The following GGN variants were observed in gnomAD, a reference collection of about 807,000 sequenced individuals.
GGN encodes gametogenetin.
Under a neutral mutation model 35.5 loss-of-function variants are expected in GGN, and 27 were observed. That is an observed-to-expected ratio of 0.76 (90% CI 0.56 to 1.05). The LOEUF is 1.05. Among genes scored for constraint, GGN ranks in the 50% least tolerant of loss-of-function variants. The pLI, the probability that GGN is intolerant of heterozygous loss-of-function variation, is 0.00. For missense variants in GGN, 1,006 were observed against 940.7 expected, an observed-to-expected ratio of 1.07 and a Z score of -0.91; for synonymous variants, 425 against 444.1, an observed-to-expected ratio of 0.96 and a Z score of 0.54.
Position 38,387,043 on chromosome 19 carries a change from C to T in GGN, c.219G>A (p.Leu73=). ...PREPQASPST[L]PLTLERPSPV... is the part of the protein sequence containing the mutation. ...GAGAGGGCCGTTCTAAGGTGAGGGG[C>T]AGGGTCGAGGGTGAGGCCTGGGGCT... The change falls in exon 3 of 4, where the codon CTG becomes CTA. Residue 73 remains leucine, a synonymous_variant. Transcript: ENST00000334928. This position sits in a 1 kb window ranked among gnomAD's most constrained non-coding sequence, Gnocchi z 5.3. The T allele has an allele frequency of 1.3e-6, 2 of 1,553,994 alleles. No individual in the cohort carries two copies. Among genetic ancestry groups the T allele is most frequent in the Non-Finnish European group, 1.7e-6 (2 of 1,148,672 alleles).
In GGN at chr19:38,386,856, G is replaced by T. The variant is rs1315863988; in HGVS notation, c.406C>A (p.Pro136Thr). 7 of 1,597,820 alleles carry T rather than the reference G, an allele frequency of 4.4e-6. No homozygotes were observed. In the South Asian group the frequency reaches 7.8e-5, roughly 18 times the overall value. The stretch of plus-strand genomic sequence containing the variant: ...GGCTTCAGCGGGCGGAGGCTCGGAG[G>T]GTCGCCCTGGCCGCGATGGCTCGCC... Reference protein sequence around the residue: ...LEASHRGQGDPPSLRPLKPPP... With the variant: ...LEASHRGQGDTPSLRPLKPPP... Residue 136 changes from proline to threonine, a missense_variant, in exon 3 of 4, where the codon CCT (proline) becomes ACT (threonine). Transcript: ENST00000334928.
rs964898981 is a variant in GGN, at chr19:38,384,335, T to C, written c.*77A>G. 6 of 1,078,304 alleles carry C rather than the reference T, an allele frequency of 5.6e-6. No homozygotes were observed. The highest frequency in any genetic ancestry group is 1.5e-5 in the African/African-American group (1 of 64,708). The allele number at this position is 1,078,304 out of a possible 1,614,324, so 66.8% of individuals were successfully genotyped here. A position where few individuals can be genotyped will look rare whatever the true frequency, so the allele number is the denominator to read the frequency against. On this transcript the variant is annotated 3_prime_UTR_variant, in exon 4 of 4. Transcript: ENST00000334928. ...CCCTACCCACTGCCTTGGCGAGTGA[T>C]TGACAGGCTGCTGGCATCTGGATTG...
chr19:38,384,429 C>T lies in GGN; in HGVS notation c.1942G>A (p.Ala648Thr), dbSNP rs765751420. ...VAKLEHYDLQ[A>T]THSN The stretch of plus-strand genomic sequence containing the variant: ...GACTACACTCAGTTGGAATGGGTGG[C>T]CTGCAAGTCGTAGTGCTCCAGCTTG... The change falls in exon 4 of 4, where the codon GCC becomes ACC. Residue 648 changes from alanine to threonine, a missense_variant. Physicochemically the swap from Ala to Thr is moderately conservative, Grantham distance 58. Transcript: ENST00000334928. 6.2e-7 allele frequency: 1 copy of T among 1,613,500 alleles called. No homozygotes were observed. Among genetic ancestry groups the T allele is most frequent in the Admixed American group, 1.7e-5 (1 of 59,992 alleles).
At position 38,386,158 on chromosome 19, in the gene GGN, C is replaced by T. The variant is rs148446446; in HGVS notation, c.1104G>A (p.Gly368=). The change falls in exon 3 of 4, where the codon GGG becomes GGA. Residue 368 remains glycine (G), a synonymous_variant. Transcript: ENST00000334928. ...DGPERHFRFN[G]AGGGIGAPRR... ...GCGGCGCCCCGATGCCTCCGCCAGCCCCGTTGAAGCGGAAGTGGCGTTCAG... is the reference window on the plus strand; with the variant it reads ...GCGGCGCCCCGATGCCTCCGCCAGCTCCGTTGAAGCGGAAGTGGCGTTCAG... 1,743 of 1,590,938 alleles carry T rather than the reference C, an allele frequency of 1.1e-3. 6 individuals are homozygous for T. Among genetic ancestry groups the T allele is most frequent in the Middle Eastern group, 8.8e-3 (53 of 6,042 alleles).
rs1970724918 is a variant in GGN at position 38,386,446 on chromosome 19, T to G, written c.816A>C (p.Gly272=). The G allele has an allele frequency of 6.2e-6, 10 of 1,612,806 alleles. No homozygotes were observed. The East Asian group carries it at 2.2e-4, about 36-fold the overall frequency. ...CTGAGGCAGCAAAGAGGCCGCCGCC[T>G]CCGCCGCCCCCCAGCGAAGCTTTGG... ...LAAKASLGGG[G]GGGLFAASGA... is the part of the protein sequence containing the mutation. Residue 272 remains glycine, a synonymous_variant, in exon 3 of 4, where the codon GGA becomes GGC. Transcript: ENST00000334928.
Position 38,386,621 on chromosome 19 carries a change from C to T in GGN, c.641G>A (p.Gly214Asp), listed in dbSNP as rs748098008. The T allele has an allele frequency of 6.2e-7, 1 of 1,612,792 alleles. No individual in the cohort carries two copies. The highest frequency in any genetic ancestry group is 1.3e-5 in the African/African-American group (1 of 75,054). The change falls in exon 3 of 4, where the codon GGC becomes GAC. Residue 214 changes from glycine to aspartate, a missense_variant. Coordinates refer to ENST00000334928, the MANE Select transcript of GGN (RefSeq NM_152657.4). ...AGPRNQGQTA[G>D]RARGGAPPHA... is the part of the protein sequence containing the mutation. The stretch of plus-strand genomic sequence containing the variant: ...GGGAGGCGCCCCTCCGCGAGCCCTG[C>T]CGGCCGTCTGGCCCTGGTTGCGGGG...
rs913219654 is a variant in GGN, at chr19:38,386,917, C to T, written c.345G>A (p.Ala115=). 3 of 1,552,008 alleles carry T rather than the reference C, an allele frequency of 1.9e-6. No homozygotes were observed. The highest frequency in any genetic ancestry group is 2.6e-6 in the Non-Finnish European group (3 of 1,148,936). Residue 115 remains alanine (A), a synonymous_variant, in exon 3 of 4, where the codon GCG becomes GCA. Coordinates refer to ENST00000334928, the MANE Select transcript of GGN (RefSeq NM_152657.4). ...LPGPSKWQKP[A]GTPVPRIRRL... ...GGCGGATCCGGGGAACTGGAGTGCC[C>T]GCGGGCTTTTGCCATTTAGACGGGC...
At chr19:38,388,315 C>T, upstream of GGN, 1 of 392,126 alleles carries the variant, frequency 2.6e-6, no homozygotes, top group East Asian at 3.6e-5. Flanking sequence ...TCCTCGCCTG[C>T]AGCATCCAAA....
chr19:38,385,987 C>G lies in GGN; in HGVS notation c.1275G>C (p.Glu425Asp). Residue 425 changes from glutamate (E) to aspartate (D), a missense_variant, in exon 3 of 4, where the codon GAG becomes GAC. By Grantham distance (45) the Glu-to-Asp change is conservative. Transcript: ENST00000334928. ...TFIFPAPTNGEPMRPGPPGLQ... is the reference protein window; with the variant it reads ...TFIFPAPTNGDPMRPGPPGLQ... ...GGCCTGGAGGCCCCGGGCGCATGGG[C>G]TCGCCATTGGTGGGTGCTGGGAAGA... The G allele has an allele frequency of 2.5e-6, 4 of 1,607,050 alleles. No homozygotes were observed. Among genetic ancestry groups the G allele is most frequent in the Non-Finnish European group, 3.4e-6 (4 of 1,176,926 alleles).
upstream of GGN, chr19:38,388,333 A>T (rs1417628746): frequency 2.6e-6 from 1 of 391,204 alleles, no homozygotes; most frequent in Non-Finnish European, 4.5e-6. Context: ...AAACCTCCTT[A>T]TACCCAGGCC....
chr19:38,386,497 A>AG lies in GGN; in HGVS notation c.764dup (p.Pro256SerfsTer61). The AG allele has an allele frequency of 6.2e-7, 1 of 1,612,920 alleles. No homozygotes were observed. Among genetic ancestry groups the AG allele is most frequent in the Non-Finnish European group, 8.5e-7 (1 of 1,179,992 alleles). On this transcript the variant is annotated frameshift_variant, in exon 3 of 4. Coordinates refer to ENST00000334928, the MANE Select transcript of GGN (RefSeq NM_152657.4). LOFTEE classifies it high-confidence loss of function. ...CTGCTAAGGAACTCGAGGCTGCCGG[A>AG]GGGGCCAAAGAGGGCCTCGACTTGA...
Position 38,386,129 on chromosome 19 carries a change from C to A in GGN, c.1133G>T (p.Arg378Leu). 6.3e-7 allele frequency: 1 copy of A among 1,580,726 alleles called. No individual in the cohort carries two copies. ...GAGGGIGAPR[R>L]RAAALSGPWG... ...AGGCCCAGAGAGTGCGGCCGCACGC[C>A]GTCGCGGCGCCCCGATGCCTCCGCC... The change falls in exon 3 of 4, where the codon CGG (arginine) becomes CTG (leucine). Residue 378 changes from arginine to leucine, a missense_variant. By Grantham distance (102) the Arg-to-Leu change is moderately radical (BLOSUM62 -2). Coordinates refer to ENST00000334928, the MANE Select transcript of GGN (RefSeq NM_152657.4).
intron 3 of GGN, 102 bp from the exon 4 acceptor site, chr19:38,384,631 G>C (rs932276769): frequency 3.6e-6 from 3 of 844,324 alleles, no homozygotes; most frequent in East Asian, 2.6e-5. Flanking sequence ...GCTTCTGAAG[G>C]CTATATTGGA....
upstream of GGN, chr19:38,388,289 G>T (rs1970768250): frequency 2.7e-6 from 1 of 375,430 alleles, no homozygotes; most frequent in Non-Finnish European, 4.7e-6. Context: ...CCGCCCCTTC[G>T]TGACGCACGC....
rs758913393 is a variant in GGN at position 38,385,574 on chromosome 19, C to T, written c.1688G>A (p.Gly563Glu). 2.5e-6 allele frequency: 4 copies of T among 1,614,030 alleles called. No homozygotes were observed. Among genetic ancestry groups the T allele is most frequent in the Non-Finnish European group, 3.4e-6 (4 of 1,180,020 alleles). Residue 563 changes from glycine to glutamate, a missense_variant, in exon 3 of 4, where the codon GGG becomes GAG. Physicochemically the swap from Gly to Glu is moderately conservative, Grantham distance 98. Transcript: ENST00000334928. Reference sequence around the variant, plus strand: ...CTGAGAGGCCCCGCTGCCACCACCCCCTCCACCACTGCTGTCAGGCACGGT... The same window carrying T: ...CTGAGAGGCCCCGCTGCCACCACCCTCTCCACCACTGCTGTCAGGCACGGT... ...TATVPDSSGG[G>E]GGGSGASQTG...
chr19:38,387,327 C>T lies in GGN; in HGVS notation c.-19-47G>A. The T allele has an allele frequency of 6.7e-7, 1 of 1,493,824 alleles. No homozygotes were observed. Among genetic ancestry groups the T allele is most frequent in the Non-Finnish European group, 8.9e-7 (1 of 1,124,012 alleles). The allele number at this position is 1,493,824 out of a possible 1,614,324, so 92.5% of individuals were successfully genotyped here. On this transcript the variant is annotated intron_variant, in intron 2 of 3. Coordinates refer to ENST00000334928, the MANE Select transcript of GGN (RefSeq NM_152657.4). This position sits in a 1 kb window ranked among gnomAD's most constrained non-coding sequence, Gnocchi z 5.3. ...AGTCAGCCTGCCAGGGCCGTGGGGA[C>T]CCTACGAGGCTGGCTGTACTTGATC...
Position 38,385,455 on chromosome 19 carries a change from G to A in GGN, c.1807C>T (p.Arg603Cys), listed in dbSNP as rs1243980215. 6.8e-6 allele frequency: 11 copies of A among 1,614,030 alleles called. No homozygotes were observed. In the Admixed American group the frequency reaches 8.3e-5, roughly 12 times the overall value. The change falls in exon 3 of 4, where the codon CGC (arginine) becomes TGC (cysteine). Residue 603 changes from arginine (R) to cysteine (C), a missense_variant. Coordinates refer to ENST00000334928, the MANE Select transcript of GGN (RefSeq NM_152657.4). ...PCKCYCHHQP[R>C]HRRLPRNVSA... ...ACGTTGCGTGGCAGGCGGCGATGGC[G>A]TGGCTGGTGGTGGCAGTAACACTTG...
Position 38,386,591 on chromosome 19 carries a change from G to C in GGN, c.671C>G (p.Ala224Gly). 1.2e-6 allele frequency: 2 copies of C among 1,613,126 alleles called. No homozygotes were observed. The highest frequency in any genetic ancestry group is 1.7e-5 in the Admixed American group (1 of 59,980). Residue 224 changes from alanine (A) to glycine (G), a missense_variant, in exon 3 of 4, where the codon GCG (alanine) becomes GGG (glycine). Physicochemically the swap from Ala to Gly is moderately conservative, Grantham distance 60 (BLOSUM62 0). Coordinates refer to ENST00000334928, the MANE Select transcript of GGN (RefSeq NM_152657.4). ...GRARGGAPPH[A>G]GEGEMAQPAD... ...AGGCTGGGCCATTTCGCCTTCGCCC[G>C]CATGGGGAGGCGCCCCTCCGCGAGC...
In GGN at chr19:38,386,447, C is replaced by T. The variant is rs761331213; in HGVS notation, c.815G>A (p.Gly272Glu). ...LAAKASLGGG[G>E]GGGLFAASGA... Reference sequence around the variant, plus strand: ...TGAGGCAGCAAAGAGGCCGCCGCCTCCGCCGCCCCCCAGCGAAGCTTTGGC... The same window carrying T: ...TGAGGCAGCAAAGAGGCCGCCGCCTTCGCCGCCCCCCAGCGAAGCTTTGGC... Residue 272 changes from glycine to glutamate, a missense_variant, in exon 3 of 4, where the codon GGA (glycine) becomes GAA (glutamate). Gly to Glu is a moderately conservative substitution (Grantham distance 98). Coordinates refer to ENST00000334928, the MANE Select transcript of GGN (RefSeq NM_152657.4). The T allele has an allele frequency of 2.5e-6, 4 of 1,612,734 alleles. No homozygotes were observed. The highest frequency in any genetic ancestry group is 3.4e-6 in the Non-Finnish European group (4 of 1,179,992).
Sources: gnomAD v4.1 joint callset for allele counts on GRCh38, gnomAD v4.1.1 for gene constraint, Gnocchi (gnomAD v3.1) non-coding constraint, MANE v1.5 for transcripts, NCBI Gene and HGNC (gene_info 2026-07-23, HGNC 2026-07-21) for gene names.